Variants in SLC44A1 observed in about 807,000 individuals in gnomAD.
The protein encoded by SLC44A1 is choline transporter-like protein 1.
SLC44A1 carries 26 observed loss-of-function variants against 79.3 expected under a neutral mutation model. The observed-to-expected ratio is 0.33, with a 90% CI of 0.24 to 0.46. The LOEUF (loss-of-function observed/expected upper bound fraction) is 0.46, where lower values mean the gene tolerates loss of function less well. SLC44A1 is among the 20% of genes least tolerant of loss of function. The probability of loss-of-function intolerance (pLI) is 1.00; values close to 1 mark genes in which losing one functional copy is unlikely to be tolerated. For synonymous variants in SLC44A1, 263 were observed against 286.2 expected (o/e 0.92, Z 0.82); for missense variants, 688 against 798.1 (o/e 0.86, Z 1.66).
chr9:105,299,719 C>T, intron 2 of SLC44A1: 1 of 933,664 alleles, frequency 1.1e-6, no homozygotes, highest in South Asian at 4.9e-5. Context: ...GCTCACTGCT[C>T]CTTCCTCCTT....
Position 105,390,173 on chromosome 9 carries a change from G to T in SLC44A1, c.*1117G>T. The T allele has an allele frequency of 8.4e-7, 1 of 1,194,718 alleles. No homozygotes were observed. 74.0% of individuals were successfully genotyped at this position (1,194,718 alleles called of 1,614,324 possible). On this transcript the variant is annotated 3_prime_UTR_variant, in exon 16 of 16. Coordinates refer to ENST00000374720, the MANE Select transcript of SLC44A1 (RefSeq NM_080546.5). ...CAGTGTGACTGTTGTTTTTGTTTGG[G>T]GGTGGGTTTGGGGTTTTTTGCTTTT...
rs535305301 is a variant in SLC44A1 at position 105,343,696 on chromosome 9, T to A, written c.407-4662T>A. Among the ~76,000 whole-genome samples the A allele has an allele frequency of 7.9e-5, 12 of 152,336 alleles. 1 individual carries two copies. The highest frequency in any genetic ancestry group is 2.2e-4 in the African/African-American group (9 of 41,572). ...GATCCTTACATTTGATAATGCAGTTTAAACTAATTCTTTCATTCAACAAAT... is the reference window on the plus strand; with the variant it reads ...GATCCTTACATTTGATAATGCAGTTAAAACTAATTCTTTCATTCAACAAAT... On this transcript the variant is annotated intron_variant, in intron 4 of 15. Coordinates refer to ENST00000374720, the MANE Select transcript of SLC44A1 (RefSeq NM_080546.5).
intron 5 of SLC44A1, among the ~76,000 whole-genome samples, chr9:105,350,786 G>C (rs966698585): frequency 6.6e-6 from 1 of 152,158 alleles, no homozygotes; most frequent in Admixed American, 6.5e-5. Context: ...TGTGTGCTTG[G>C]CACTTGACTT....
intron 4 of SLC44A1, among the ~76,000 whole-genome samples, chr9:105,345,522 A>G (rs1472898205): frequency 6.6e-6 from 1 of 152,212 alleles, no homozygotes; most frequent in Non-Finnish European, 1.5e-5. Flanking sequence ...TAAGGGGCAA[A>G]GAATTCCACT....
chr9:105,311,570 G>C lies in SLC44A1; in HGVS notation c.269+1704G>C, dbSNP rs571065085. Among the ~76,000 whole-genome samples, 46 of 152,286 alleles carry C rather than the reference G, an allele frequency of 3.0e-4. 1 individual carries two copies. The South Asian group carries it at 9.5e-3, about 32-fold the overall frequency. On this transcript the variant is annotated intron_variant, in intron 3 of 15. Coordinates refer to ENST00000374720, the MANE Select transcript of SLC44A1 (RefSeq NM_080546.5). ...CTTGGATTATTCTATGTACCTTTCA[G>C]CCTCTTCCAAGAGAGGCTACTTATG...
At chr9:105,427,798 C>G (rs1057076578) in intron 15 of SLC44A1, among the ~76,000 whole-genome samples, 1 of 152,164 alleles carries the variant, frequency 6.6e-6, no homozygotes, top group African/African-American at 2.4e-5. Context: ...GTACTAAAGT[C>G]TATGAATGTC....
At chr9:105,381,433 C>A (rs1457028174) in intron 13 of SLC44A1, among the ~76,000 whole-genome samples, 1 of 151,458 alleles carries the variant, frequency 6.6e-6, no homozygotes, top group Non-Finnish European at 1.5e-5. Context: ...CCTGTAGTCC[C>A]AGCTACTTGG....
At chr9:105,249,134 T>A in intron 1 of SLC44A1, among the ~76,000 whole-genome samples, 1 of 152,228 alleles carries the variant, frequency 6.6e-6, no homozygotes, top group Non-Finnish European at 1.5e-5. Context: ...GCTGTATATT[T>A]AACTGTCTTT....
At chr9:105,406,024 T>C (rs1478140900) in intron 15 of SLC44A1, among the ~76,000 whole-genome samples, 1 of 152,116 alleles carries the variant, frequency 6.6e-6, no homozygotes, top group African/African-American at 2.4e-5. Flanking sequence ...AACCTTTCGA[T>C]GCAAGCAGGA....
At chr9:105,289,447 A>G (rs1830552963) in intron 1 of SLC44A1, among the ~76,000 whole-genome samples, 1 of 152,222 alleles carries the variant, frequency 6.6e-6, no homozygotes, top group Admixed American at 6.5e-5. Context: ...CTTACCATCA[A>G]AAAGGTCATC....
At chr9:105,316,448 G>A (rs1051664447) in intron 3 of SLC44A1, among the ~76,000 whole-genome samples, 1 of 152,116 alleles carries the variant, frequency 6.6e-6, no homozygotes. Flanking sequence ...AAATATACAT[G>A]TACATAGAAA....
In SLC44A1 at chr9:105,364,658, A is replaced by C; in HGVS notation, c.1191A>C (p.Glu397Asp). The C allele has an allele frequency of 6.2e-7, 1 of 1,614,090 alleles. No individual in the cohort carries two copies. Among genetic ancestry groups the C allele is most frequent in the Non-Finnish European group, 8.5e-7 (1 of 1,180,000 alleles). The change falls in exon 10 of 16, where the codon GAA becomes GAC. Residue 397 changes from glutamate (E) to aspartate (D), a missense_variant. Physicochemically the swap from Glu to Asp is conservative, Grantham distance 45. Coordinates refer to ENST00000374720, the MANE Select transcript of SLC44A1 (RefSeq NM_080546.5). ...YHVVGLIWIS[E>D]FILACQQMTV... ...TGGTGGGCCTGATTTGGATCAGTGAATTTATTCTAGCATGTCAGCAGATGA... is the reference window on the plus strand; with the variant it reads ...TGGTGGGCCTGATTTGGATCAGTGACTTTATTCTAGCATGTCAGCAGATGA...
chr9:105,348,380 C>A lies in SLC44A1; in HGVS notation c.429C>A (p.Asn143Lys). ...CAGGTTCAGCCCTATGTAGCTACAACCTAAAGCCTTCTGAATACACTACAT... is the reference window on the plus strand; with the variant it reads ...CAGGTTCAGCCCTATGTAGCTACAAACTAAAGCCTTCTGAATACACTACAT... The part of the protein sequence containing the change: ...EINGSALCSY[N>K]LKPSEYTTSP... Residue 143 changes from asparagine (N) to lysine (K), a missense_variant, in exon 5 of 16, where the codon AAC becomes AAA. Physicochemically the swap from Asn to Lys is moderately conservative, Grantham distance 94. Transcript: ENST00000374720. The A allele has an allele frequency of 1.9e-6, 3 of 1,609,946 alleles. No homozygotes were observed. Among genetic ancestry groups the A allele is most frequent in the Non-Finnish European group, 2.5e-6 (3 of 1,176,566 alleles).
chr9:105,374,467 G>A (rs1828212731), intron 12 of SLC44A1, 131 bp from the exon 13 acceptor site: 1 of 751,620 alleles, frequency 1.3e-6, no homozygotes, highest in Non-Finnish European at 2.2e-6. Flanking sequence ...GTCTCGATCT[G>A]TACCTCATTA....
In SLC44A1 at chr9:105,285,286, G is replaced by A. The variant is rs77931786; in HGVS notation, c.37-13934G>A. 4.8e-3 allele frequency among the ~76,000 whole-genome samples: 729 copies of A among 152,254 alleles called. 9 individuals are homozygous for A. Among genetic ancestry groups the A allele is most frequent in the African/African-American group, 0.017 (700 of 41,542 alleles). Reference sequence around the variant, plus strand: ...TACAGATGGCTAGGAGGAAACAACAGTTTGTTTCTGCCTGTTAAATATCAC... The same window carrying A: ...TACAGATGGCTAGGAGGAAACAACAATTTGTTTCTGCCTGTTAAATATCAC... On this transcript the variant is annotated intron_variant, in intron 1 of 15. Coordinates refer to ENST00000374720, the MANE Select transcript of SLC44A1 (RefSeq NM_080546.5).
chr9:105,275,034 A>G (rs1331567220), intron 1 of SLC44A1, among the ~76,000 whole-genome samples: 1 of 152,230 alleles, frequency 6.6e-6, no homozygotes, highest in African/African-American at 2.4e-5. Flanking sequence ...ATTCTTAACA[A>G]TAATGATATA....
At chr9:105,259,023 A>G (rs911141003) in intron 1 of SLC44A1, among the ~76,000 whole-genome samples, 3 of 151,912 alleles carry the variant, frequency 2.0e-5, no homozygotes, top group African/African-American at 7.3e-5. Context: ...TTTAAAGTCT[A>G]TGTGTAGGTT....
chr9:105,438,431 T>C, exon 16 of SLC44A1: 1 of 698,484 alleles, frequency 1.4e-6, no homozygotes, highest in Non-Finnish European at 2.5e-6. Context: ...AACAAGTTTC[T>C]CAAACCACCA....
At chr9:105,346,872 G>A (rs530982261) in intron 4 of SLC44A1, among the ~76,000 whole-genome samples, 7 of 151,926 alleles carry the variant, frequency 4.6e-5, no homozygotes, top group African/African-American at 9.6e-5. Context: ...TGTAATTATC[G>A]CTTTAAAAAT....
Sources: allele counts gnomAD v4.1 joint callset (sites outside exome capture counted in the v4.1 genomes callset), GRCh38; gene constraint gnomAD v4.1.1; transcripts MANE v1.5; gene names NCBI Gene and HGNC (gene_info 2026-07-23, HGNC 2026-07-21).